Variants in ARHGEF4 observed in about 807,000 individuals in gnomAD.
The protein encoded by ARHGEF4 is APC-stimulated guanine nucleotide exchange factor 1.
Under a neutral mutation model 162.0 loss-of-function variants are expected in ARHGEF4, and 119 were observed. The observed-to-expected ratio is 0.73, with a 90% CI of 0.63 to 0.86. The LOEUF is 0.86. ARHGEF4 is among the 40% of genes least tolerant of loss of function. The probability of loss-of-function intolerance (pLI) is 0.00; values close to 1 mark genes in which losing one functional copy is unlikely to be tolerated. For synonymous variants in ARHGEF4, 1,014 were observed against 979.9 expected (o/e 1.03, Z -0.65); for missense variants, 2,488 against 2,456.0 (o/e 1.01, Z -0.28).
intron 5 of ARHGEF4, chr2:131,035,453 T>G: frequency 3.3e-6 from 1 of 298,688 alleles, no homozygotes; most frequent in Non-Finnish European, 5.0e-6. Context: ...TGTCACAGGG[T>G]CCTTCTGTCC....
intron 1 of ARHGEF4, among the ~76,000 whole-genome samples, chr2:130,898,946 G>A (rs1187443008): frequency 2.6e-5 from 4 of 152,080 alleles, no homozygotes; most frequent in Admixed American, 6.5e-5. Context: ...CCAAACACAC[G>A]CATGCAGCTC....
At chr2:130,985,824 TGTG>T (rs1686445621) in intron 4 of ARHGEF4, among the ~76,000 whole-genome samples, 1 of 152,034 alleles carries the variant, frequency 6.6e-6, no homozygotes, top group South Asian at 2.1e-4. Context: ...GTGTATATGT[TGTG>T]TGTGTTGTAC....
At chr2:130,926,052 T>TTCTTTCTTTCTCTCTCTC (rs1559043891) in intron 2 of ARHGEF4, among the ~76,000 whole-genome samples, 13 of 98,274 alleles carry the variant, frequency 1.3e-4, no homozygotes, top group African/African-American at 5.3e-4. Context: ...TTCTTTCTCT[T>TTCTTTCTTTCTCTCTCTC]TCTTTCTTTC....
chr2:130,970,822 G>A (rs1458716212), intron 4 of ARHGEF4, among the ~76,000 whole-genome samples: 1 of 152,132 alleles, frequency 6.6e-6, no homozygotes, highest in Admixed American at 6.5e-5. Flanking sequence ...CAAGTACTTT[G>A]TTAGATATGT....
At chr2:130,877,976 G>GTA (rs937228443) in intron 1 of ARHGEF4, among the ~76,000 whole-genome samples, 13 of 152,246 alleles carry the variant, frequency 8.5e-5, no homozygotes, top group African/African-American at 2.9e-4. Context: ...TTTGAGCCTT[G>GTA]TACGGTATCC....
chr2:131,040,064 G>A lies in ARHGEF4; in HGVS notation c.4354G>A (p.Gly1452Arg), dbSNP rs1186351986. ...CGCGGATGACGACGCCCCTCTGGCC[G>A]GGAACAGCGGAGCGGAGGACGGCGG... ...EPADDDAPLA[G>R]NSGAEDGGAE... The change falls in exon 7 of 14, where the codon GGG (glycine) becomes AGG (arginine). Residue 1452 changes from glycine (G) to arginine (R), a missense_variant. Transcript: ENST00000409359. 3.1e-6 allele frequency: 5 copies of A among 1,594,514 alleles called. No individual in the cohort carries two copies. The highest frequency in any genetic ancestry group is 2.3e-5 in the East Asian group (1 of 43,282).
At chr2:130,988,897 T>TAGAGAGAGAGAGAG (rs1194203957) in intron 4 of ARHGEF4, among the ~76,000 whole-genome samples, 2 of 111,428 alleles carry the variant, frequency 1.8e-5, no homozygotes, top group East Asian at 3.6e-4. Context: ...TATATATATA[T>TAGAGAGAGAGAGAG]ATATAGAGAG....
intron 2 of ARHGEF4, among the ~76,000 whole-genome samples, chr2:130,921,026 T>G (rs1367063350): frequency 6.6e-6 from 1 of 151,796 alleles, no homozygotes; most frequent in Non-Finnish European, 1.5e-5. Context: ...CCCTTCCTCC[T>G]CCCTGCCCTA....
chr2:130,963,878 C>T (rs1299221083), intron 4 of ARHGEF4: 2 of 582 alleles, frequency 3.4e-3, no homozygotes, highest in Admixed American at 0.022. Flanking sequence ...CTGAGAGCCT[C>T]CTTAACGGAG....
intron 1 of ARHGEF4, among the ~76,000 whole-genome samples, chr2:130,870,139 C>A (rs1678362783): frequency 6.6e-6 from 1 of 152,168 alleles, no homozygotes; most frequent in Non-Finnish European, 1.5e-5. Context: ...AAAGACGCTG[C>A]TGGAGGGTGG....
At chr2:131,010,521 T>G (rs2105330995) in intron 4 of ARHGEF4, among the ~76,000 whole-genome samples, 1 of 152,362 alleles carries the variant, frequency 6.6e-6, no homozygotes, top group Middle Eastern at 3.4e-3. Context: ...TTTTTTTACA[T>G]TCTCTGACGT....
intron 1 of ARHGEF4, among the ~76,000 whole-genome samples, chr2:130,886,226 A>G (rs1432944459): frequency 2.6e-5 from 4 of 151,710 alleles, no homozygotes; most frequent in African/African-American, 9.7e-5. Flanking sequence ...TGATTTGATG[A>G]TGCTTTGTTT....
intron 4 of ARHGEF4, among the ~76,000 whole-genome samples, chr2:130,988,511 A>G (rs1351976197): frequency 1.3e-5 from 2 of 152,216 alleles, no homozygotes; most frequent in Admixed American, 1.3e-4. Context: ...CAAAAAAATC[A>G]TTCCAAATCT....
At chr2:130,913,081 G>A (rs2105049921) in intron 1 of ARHGEF4, among the ~76,000 whole-genome samples, 1 of 152,210 alleles carries the variant, frequency 6.6e-6, no homozygotes, top group East Asian at 1.9e-4. Flanking sequence ...AGTGGTTCAG[G>A]CATCGGCTGG....
intron 4 of ARHGEF4, among the ~76,000 whole-genome samples, chr2:130,980,906 TCA>T (rs1300325930): frequency 2.6e-5 from 4 of 152,210 alleles, no homozygotes; most frequent in African/African-American, 7.2e-5. Flanking sequence ...TGTACCCATA[TCA>T]CAGTTTTTCT....
In ARHGEF4 at chr2:131,027,928, G is replaced by T; in HGVS notation, c.3986-17G>T. 1 of 1,613,234 alleles carries T rather than the reference G, an allele frequency of 6.2e-7. No homozygotes were observed. The highest frequency in any genetic ancestry group is 8.5e-7 in the Non-Finnish European group (1 of 1,179,826). On this transcript the variant is annotated splice_polypyrimidine_tract_variant and intron_variant, in intron 4 of 13. Transcript: ENST00000409359. ...CCAGCCCAGCCCCCTTTGCCCAGCTGCTGTCTCTCCTTCCAGCCATGCCTG... is the reference window on the plus strand; with the variant it reads ...CCAGCCCAGCCCCCTTTGCCCAGCTTCTGTCTCTCCTTCCAGCCATGCCTG...
At chr2:131,022,603 TA>T (rs1689202861) in intron 4 of ARHGEF4, among the ~76,000 whole-genome samples, 1 of 151,228 alleles carries the variant, frequency 6.6e-6, no homozygotes, top group Non-Finnish European at 1.5e-5. Context: ...ATAATACCAT[TA>T]GACCATCCAT....
At chr2:131,041,661 A>T in intron 9 of ARHGEF4, 154 bp from the exon 10 acceptor site, 1 of 1,217,646 alleles carries the variant, frequency 8.2e-7, no homozygotes, top group Non-Finnish European at 1.1e-6. Context: ...CTTGCCATTT[A>T]TGGAGAAGAG....
Position 131,045,243 on chromosome 2 carries a change from G to A in ARHGEF4, c.5402-126G>A, listed in dbSNP as rs140540116. 45 of 893,278 alleles carry A rather than the reference G, an allele frequency of 5.0e-5. 2 individuals carry two copies. The highest frequency in any genetic ancestry group is 4.1e-4 in the Admixed American group (17 of 41,400). 55.3% of individuals were successfully genotyped at this position (893,278 alleles called of 1,614,324 possible). On this transcript the variant is annotated intron_variant, in intron 12 of 13. Coordinates refer to ENST00000409359, the MANE Select transcript of ARHGEF4 (RefSeq NM_001367493.1). ...CTGTGCAGAATGGGCAACAGTCCCCGCTGTGGCCAGTACTGAGTCCCCAGT... is the reference window on the plus strand; with the variant it reads ...CTGTGCAGAATGGGCAACAGTCCCCACTGTGGCCAGTACTGAGTCCCCAGT...
Sources: allele counts gnomAD v4.1 joint callset (sites outside exome capture counted in the v4.1 genomes callset), GRCh38; gene constraint gnomAD v4.1.1; transcripts MANE v1.5; gene names NCBI Gene and HGNC (gene_info 2026-07-23, HGNC 2026-07-21).